MELK: variants seen among roughly 807,000 people sequenced by gnomAD.
MELK encodes the protein maternal embryonic leucine zipper kinase.
MELK carries 81 observed loss-of-function variants against 85.0 expected under a neutral mutation model. The observed-to-expected ratio is 0.95, with a 90% confidence interval of 0.80 to 1.15. The LOEUF (loss-of-function observed/expected upper bound fraction) is 1.15, where lower values mean the gene tolerates loss of function less well. Among genes scored for constraint, MELK ranks in the 50% most tolerant of loss-of-function variants. The probability of loss-of-function intolerance (pLI) is 0.00; values close to 1 mark genes in which losing one functional copy is unlikely to be tolerated. For missense variants in MELK, 754 were observed against 777.5 expected, an observed-to-expected ratio of 0.97 and a Z score of 0.36; for synonymous variants, 252 against 265.0, an observed-to-expected ratio of 0.95 and a Z score of 0.48.
In MELK at chr9:36,584,395, G is replaced by A. The variant is rs1170220040; in HGVS notation, c.144+683G>A. Among the ~76,000 whole-genome samples, 8 of 148,220 alleles carry A rather than the reference G, an allele frequency of 5.4e-5. No homozygotes were observed. The East Asian group carries it at 8.0e-4, about 15-fold the overall frequency. On this transcript the variant is annotated intron_variant, in intron 3 of 17. Coordinates refer to ENST00000298048, the MANE Select transcript of MELK (RefSeq NM_014791.4). ...TGCAGTGGCGCGATCTTGGCTCACGGCGACCTCCGCCTCCCAGGTTCACGC... is the reference window on the plus strand; with the variant it reads ...TGCAGTGGCGCGATCTTGGCTCACGACGACCTCCGCCTCCCAGGTTCACGC...
chr9:36,625,787 G>A (rs1337433613), intron 8 of MELK, among the ~76,000 whole-genome samples: 1 of 151,986 alleles, frequency 6.6e-6, no homozygotes, highest in African/African-American at 2.4e-5. Flanking sequence ...CAGTCATGGT[G>A]GTGCATGTCT....
intron 8 of MELK, among the ~76,000 whole-genome samples, chr9:36,615,667 C>G (rs1216627585): frequency 7.3e-6 from 1 of 137,874 alleles, no homozygotes. Context: ...CGCTCCTCAC[C>G]TCCCAGACGG....
Position 36,633,215 on chromosome 9 carries a change from A to G in MELK, c.834+15A>G. 5 of 1,571,808 alleles carry G rather than the reference A, an allele frequency of 3.2e-6. 1 individual carries two copies. The South Asian group carries it at 5.8e-5, about 18-fold the overall frequency. ...GCAAGAATCCTGTAAGTAAAATGAAATCCAGTAGAATTTTTTTTTGACTTT... is the reference window on the plus strand; with the variant it reads ...GCAAGAATCCTGTAAGTAAAATGAAGTCCAGTAGAATTTTTTTTTGACTTT... On this transcript the variant is annotated intron_variant, in intron 10 of 17. Transcript: ENST00000298048.
rs377591615 is a variant in MELK, at chr9:36,594,657, T to C, written c.291T>C (p.Tyr97=). ...EYCPGGELFD[Y]IISQDRLSEE... ...GCCCTGGAGGAGAGCTGTTTGACTA[T>C]ATAATTTCCCAGGATCGCCTGTCAG... The change falls in exon 5 of 18, where the codon TAT becomes TAC. Residue 97 remains tyrosine, a synonymous_variant. Transcript: ENST00000298048. 201 of 1,613,956 alleles carry C rather than the reference T, an allele frequency of 1.2e-4. No homozygotes were observed. The highest frequency in any genetic ancestry group is 1.6e-4 in the Non-Finnish European group (194 of 1,180,000).
At chr9:36,651,595 G>A (rs909543448) in intron 11 of MELK, 151 bp from the exon 12 acceptor site, 3 of 763,418 alleles carry the variant, frequency 3.9e-6, no homozygotes, top group Admixed American at 2.5e-5. Context: ...GAGGTGTGGT[G>A]CACTGGTTGC....
chr9:36,647,788 G>A (rs1412662526), intron 11 of MELK, among the ~76,000 whole-genome samples: 4 of 152,128 alleles, frequency 2.6e-5, no homozygotes, highest in South Asian at 4.2e-4. Context: ...CACTGTGCCC[G>A]GCCATGAAGC....
chr9:36,635,844 T>A (rs1829082982), intron 10 of MELK, among the ~76,000 whole-genome samples: 1 of 150,086 alleles, frequency 6.7e-6, no homozygotes, highest in Admixed American at 6.6e-5. Flanking sequence ...ATGCCCAGGC[T>A]GGAGTGCAAT....
intron 13 of MELK, among the ~76,000 whole-genome samples, chr9:36,662,920 C>A (rs984644480): frequency 4.7e-4 from 71 of 152,124 alleles, no homozygotes; most frequent in African/African-American, 1.3e-3. Flanking sequence ...ATAGTGTCCT[C>A]TGGAGTTGTA....
At chr9:36,573,960 GTAATTACCTT>G (rs1821371418) in intron 1 of MELK, among the ~76,000 whole-genome samples, 1 of 152,140 alleles carries the variant, frequency 6.6e-6, no homozygotes. Flanking sequence ...CTTAGGACGG[GTAATTACCTT>G]TGGTATTTCT....
intron 14 of MELK, among the ~76,000 whole-genome samples, chr9:36,665,986 C>T (rs1301620697): frequency 7.9e-5 from 12 of 152,166 alleles, no homozygotes; most frequent in South Asian, 4.1e-4. Flanking sequence ...CTCAAGCTGA[C>T]GCCTCCGCTG....
chr9:36,592,144 G>T (rs938891438), intron 4 of MELK, among the ~76,000 whole-genome samples: 41 of 149,394 alleles, frequency 2.7e-4, no homozygotes, highest in Middle Eastern at 3.5e-3. Flanking sequence ...GAGCAACTAT[G>T]CCCCACCCTA....
At chr9:36,617,108 A>C (rs1042805146) in intron 8 of MELK, among the ~76,000 whole-genome samples, 1 of 152,148 alleles carries the variant, frequency 6.6e-6, no homozygotes, top group Non-Finnish European at 1.5e-5. Flanking sequence ...TGGTGGGTCA[A>C]AGATATGTGA....
At chr9:36,601,557 T>C (rs941809986) in intron 7 of MELK, among the ~76,000 whole-genome samples, 2 of 152,212 alleles carry the variant, frequency 1.3e-5, no homozygotes, top group African/African-American at 4.8e-5. Flanking sequence ...GGATACTTTT[T>C]ATTTTTAATT....
intron 8 of MELK, among the ~76,000 whole-genome samples, chr9:36,627,923 C>T (rs187055529): frequency 4.7e-5 from 7 of 148,068 alleles, no homozygotes; most frequent in East Asian, 2.1e-4. Context: ...GTTTTTGAGA[C>T]GGAGTTTCAC....
intron 8 of MELK, among the ~76,000 whole-genome samples, chr9:36,613,321 T>C (rs986861779): frequency 2.0e-5 from 3 of 152,238 alleles, no homozygotes; most frequent in African/African-American, 7.2e-5. Context: ...TACTCATTTA[T>C]TCGATGTCAT....
intron 1 of MELK, among the ~76,000 whole-genome samples, chr9:36,574,570 T>C (rs1039283263): frequency 2.6e-5 from 4 of 151,442 alleles, no homozygotes; most frequent in African/African-American, 9.7e-5. Context: ...GCTACTGCAC[T>C]CCAGCCTAGG....
chr9:36,608,060 C>T (rs931866067), intron 8 of MELK, among the ~76,000 whole-genome samples: 5 of 152,112 alleles, frequency 3.3e-5, no homozygotes, highest in African/African-American at 1.2e-4. Context: ...ACTGGCAGAT[C>T]ACGAGGTCAG....
chr9:36,605,763 GTGATGC>G (rs960203089), intron 7 of MELK, among the ~76,000 whole-genome samples: 1 of 151,482 alleles, frequency 6.6e-6, no homozygotes, highest in Non-Finnish European at 1.5e-5. Flanking sequence ...ACCCAGATAT[GTGATGC>G]TGCTCAAGTT....
intron 5 of MELK, among the ~76,000 whole-genome samples, chr9:36,596,799 T>C (rs1359142731): frequency 1.3e-5 from 2 of 150,790 alleles, no homozygotes; most frequent in Admixed American, 1.3e-4. Flanking sequence ...TTGGTCAGGC[T>C]GGTCTCGAAC....
Sources: gnomAD v4.1 joint callset for allele counts (sites outside exome capture counted in the v4.1 genomes callset) on GRCh38, gnomAD v4.1.1 for gene constraint, MANE v1.5 for transcripts, NCBI Gene and HGNC (gene_info 2026-07-23, HGNC 2026-07-21) for gene names.